PTP4A1: variants seen among roughly 807,000 people sequenced by gnomAD.
The protein encoded by PTP4A1 is protein tyrosine phosphatase 4A1.
In PTP4A1, 9 loss-of-function variants were observed where a neutral mutation model predicts 20.5. The ratio of observed to expected loss-of-function variants is 0.44; its 90% CI spans 0.26 to 0.77. PTP4A1 has a LOEUF of 0.77. PTP4A1 is among the 30% of genes least tolerant of loss of function. PTP4A1 has a pLI of 0.19. For synonymous variants in PTP4A1, 78 were observed against 67.4 expected, an observed-to-expected ratio of 1.16 and a Z score of -0.77; for missense variants, 137 against 218.8, an observed-to-expected ratio of 0.63 and a Z score of 2.36.
At chr6:63,524,348 A>G (rs1581907023) in intron 1 of PTP4A1, among the ~76,000 whole-genome samples, 1 of 152,184 alleles carries the variant, frequency 6.6e-6, no homozygotes, top group Non-Finnish European at 1.5e-5. Flanking sequence ...TTAATGACAC[A>G]TATTTGTATG....
Position 63,542,914 on chromosome 6 carries a change from A to G in PTP4A1, c.-639-7386A>G, listed in dbSNP as rs191742793. Among the ~76,000 whole-genome samples the G allele has an allele frequency of 2.6e-3, 390 of 152,268 alleles. 2 individuals carry two copies. The highest frequency in any genetic ancestry group is 4.5e-3 in the Non-Finnish European group (305 of 68,006). On this transcript the variant is annotated intron_variant, in intron 2 of 3. Transcript: ENST00000639568. ...CTCTAGCCTCTTATGTCGTGTTCCT[A>G]ACCCTTGCAAACCATTCTCCATAAA...
intron 2 of PTP4A1, among the ~76,000 whole-genome samples, chr6:63,532,705 A>G (rs1223258793): frequency 6.6e-6 from 1 of 152,202 alleles, no homozygotes; most frequent in Non-Finnish European, 1.5e-5. Context: ...CAATCATATT[A>G]TAACTATGAG....
chr6:63,550,165 A>C (rs918398453), intron 2 of PTP4A1: 8 of 152,202 alleles, frequency 5.3e-5, no homozygotes, highest in African/African-American at 1.9e-4. Flanking sequence ...AAACTAGATA[A>C]TCCTCAGTGA....
Position 63,580,192 on chromosome 6 carries a change from C to T in PTP4A1, c.*18C>T. 1.9e-6 allele frequency: 3 copies of T among 1,556,980 alleles called. No homozygotes were observed. The highest frequency in any genetic ancestry group is 2.7e-6 in the Non-Finnish European group (3 of 1,130,062). On this transcript the variant is annotated 3_prime_UTR_variant, in exon 6 of 6. Transcript: ENST00000626021. The stretch of plus-strand genomic sequence containing the variant: ...TTCAATAAAATTGGGGTGCCTAATG[C>T]TACTGGAAGTGGAACTTGAGATAGG...
At chr6:63,550,044 C>T (rs747868124) in intron 2 of PTP4A1, among the ~76,000 whole-genome samples, 13 of 152,178 alleles carry the variant, frequency 8.5e-5, no homozygotes, top group South Asian at 2.1e-4. Context: ...ATATGTTATA[C>T]GTGTCATATC....
At chr6:63,522,233 T>C (rs1001969148) in intron 1 of PTP4A1, among the ~76,000 whole-genome samples, 6 of 152,248 alleles carry the variant, frequency 3.9e-5, no homozygotes, top group African/African-American at 1.2e-4. Context: ...GGCTACAATA[T>C]ATGGCAAATT....
In PTP4A1 at chr6:63,578,960, T is replaced by C; in HGVS notation, c.261T>C (p.Leu87=). The change falls in exon 4 of 6, where the codon CTT becomes CTC. Residue 87 remains leucine (L), a synonymous_variant. Coordinates refer to ENST00000626021, the MANE Select transcript of PTP4A1 (RefSeq NM_003463.5). ...SNQIVDDWLS[L]VKIKFREEPG... ...AGATTGTTGATGACTGGTTAAGTCT[T>C]GTGAAAATTAAGTTTCGTGAAGAAC... is the stretch of plus-strand genomic sequence containing the variant. The C allele has an allele frequency of 6.2e-7, 1 of 1,607,964 alleles. No homozygotes were observed. Among genetic ancestry groups the C allele is most frequent in the South Asian group, 1.1e-5 (1 of 89,894 alleles).
upstream of PTP4A1, chr6:63,571,619 T>C (rs1450842871): frequency 6.6e-6 from 1 of 152,220 alleles, no homozygotes; most frequent in Non-Finnish European, 1.5e-5. Context: ...CTAAAAACGC[T>C]TTCTTTAAGC....
chr6:63,530,765 A>G (rs1775420805), intron 2 of PTP4A1, among the ~76,000 whole-genome samples: 1 of 152,208 alleles, frequency 6.6e-6, no homozygotes, highest in African/African-American at 2.4e-5. Flanking sequence ...ATTTTTTCTT[A>G]TTCCTAGTCT....
intron 1 of PTP4A1, chr6:63,573,135 G>A: frequency 6.3e-6 from 1 of 159,150 alleles, no homozygotes; most frequent in East Asian, 1.8e-4. Context: ...TCCGGGCATG[G>A]CAGGCTCCGC....
intron 2 of PTP4A1, among the ~76,000 whole-genome samples, chr6:63,531,512 CTTTTTTTT>C (rs753354152): frequency 1.0e-4 from 13 of 128,538 alleles, no homozygotes; most frequent in Non-Finnish European, 2.0e-4. Flanking sequence ...ATCTATTATG[CTTTTTTTT>C]TTTTTTTTTT....
chr6:63,539,204 T>C (rs1264082720), intron 2 of PTP4A1, among the ~76,000 whole-genome samples: 2 of 152,204 alleles, frequency 1.3e-5, no homozygotes, highest in Admixed American at 6.5e-5. Flanking sequence ...TGTAAAGTAC[T>C]GATTTAGAAT....
At chr6:63,554,123 A>T (rs554829884) in intron 3 of PTP4A1, among the ~76,000 whole-genome samples, 2 of 152,328 alleles carry the variant, frequency 1.3e-5, no homozygotes, top group South Asian at 4.1e-4. Context: ...TCAAAGTAAC[A>T]GATGGTAGCC....
At chr6:63,518,553 G>A (rs1774813601), upstream of PTP4A1, among the ~76,000 whole-genome samples, 1 of 152,180 alleles carries the variant, frequency 6.6e-6, no homozygotes, top group African/African-American at 2.4e-5. Flanking sequence ...GGGCAATGTA[G>A]GTATCAGTCA....
intron 3 of PTP4A1, among the ~76,000 whole-genome samples, chr6:63,555,234 G>A (rs1776628219): frequency 6.6e-6 from 1 of 152,130 alleles, no homozygotes; most frequent in Non-Finnish European, 1.5e-5. Flanking sequence ...CCCGAGTAGA[G>A]GTACATGACT....
At chr6:63,523,070 T>G (rs1465142817) in intron 1 of PTP4A1, among the ~76,000 whole-genome samples, 1 of 151,896 alleles carries the variant, frequency 6.6e-6, no homozygotes, top group Non-Finnish European at 1.5e-5. Context: ...TCACCTTTTT[T>G]GGCCAGGCTG....
chr6:63,529,333 A>T (rs935492416), intron 2 of PTP4A1, among the ~76,000 whole-genome samples: 3 of 150,164 alleles, frequency 2.0e-5, no homozygotes, highest in African/African-American at 7.6e-5. Flanking sequence ...AAATGGTCTT[A>T]TTGCAAGACA....
chr6:63,559,418 C>G (rs1776837239), intron 3 of PTP4A1, among the ~76,000 whole-genome samples: 1 of 152,020 alleles, frequency 6.6e-6, no homozygotes, highest in Non-Finnish European at 1.5e-5. Context: ...AGAAAAATGG[C>G]TTAAACGCAG....
chr6:63,545,623 G>A (rs1342163456), intron 2 of PTP4A1, among the ~76,000 whole-genome samples: 1 of 151,704 alleles, frequency 6.6e-6, no homozygotes, highest in Non-Finnish European at 1.5e-5. Flanking sequence ...AAAAAAAAAG[G>A]AAGAAAGAAA....
Sources: gnomAD v4.1 joint callset for allele counts (sites outside exome capture counted in the v4.1 genomes callset) on GRCh38, gnomAD v4.1.1 for gene constraint, MANE v1.5 for transcripts, NCBI Gene and HGNC (gene_info 2026-07-23, HGNC 2026-07-21) for gene names.